RALGAPA1: variants seen among roughly 807,000 people sequenced by gnomAD.
The protein encoded by RALGAPA1 is Ral GTPase activating protein catalytic subunit alpha 1.
A neutral mutation model predicts 269.6 loss-of-function variants in RALGAPA1; 52 were observed. The observed-to-expected ratio is 0.19, with a 90% CI of 0.15 to 0.24. RALGAPA1 has a LOEUF of 0.24. Among genes scored for constraint, RALGAPA1 ranks in the 10% least tolerant of loss-of-function variants. The probability of loss-of-function intolerance (pLI) is 1.00; values close to 1 mark genes in which losing one functional copy is unlikely to be tolerated. For synonymous variants in RALGAPA1, 817 were observed against 1,008.3 expected (o/e 0.81, Z 3.60); for missense variants, 1,917 against 3,013.9 (o/e 0.64, Z 8.52).
At position 35,689,920 on chromosome 14, in the gene RALGAPA1, C is replaced by A. The variant is rs2140454775; in HGVS notation, c.2491G>T (p.Gly831Cys). ...AATGGCTGCTCCTCATTCAAAGCAC[C>A]AAAAACTTCATTTCCAGTTTCTTCA... ...QSEETGNEVF[G>C]ALNEEQPLPR... The change falls in exon 18 of 42, where the codon GGT becomes TGT. Residue 831 changes from glycine (G) to cysteine (C), a missense_variant. Gly to Cys is a radical substitution (Grantham distance 159, BLOSUM62 -3). This residue lies in a region of RALGAPA1 where 125 missense variants were observed against 155.7 expected (regional missense o/e 0.80). Coordinates refer to ENST00000680220, the MANE Select transcript of RALGAPA1 (RefSeq NM_001346249.2). 8 of 1,600,796 alleles carry A rather than the reference C, an allele frequency of 5.0e-6. No individual in the cohort carries two copies. Among genetic ancestry groups the A allele is most frequent in the Non-Finnish European group, 6.8e-6 (8 of 1,175,650 alleles).
At chr14:35,758,562 TA>T (rs1479942233) in intron 6 of RALGAPA1, among the ~76,000 whole-genome samples, 2 of 152,108 alleles carry the variant, frequency 1.3e-5, no homozygotes, top group Non-Finnish European at 2.9e-5. Context: ...TAATTATTTT[TA>T]AAGTCATCCA....
chr14:35,635,215 A>C (rs903487411), intron 32 of RALGAPA1, among the ~76,000 whole-genome samples: 3 of 152,116 alleles, frequency 2.0e-5, no homozygotes, highest in African/African-American at 7.2e-5. Flanking sequence ...AATACCTCTT[A>C]CAAAGAATGA....
At position 35,674,296 on chromosome 14, in the gene RALGAPA1, A is replaced by G; in HGVS notation, c.4819-18T>C. 6.3e-7 allele frequency: 1 copy of G among 1,580,842 alleles called. No homozygotes were observed. The highest frequency in any genetic ancestry group is 8.6e-7 in the Non-Finnish European group (1 of 1,156,878). ...TCTCTAATCTGTAATTTTCAAATAAAAAGCAACAAACCTAAGAAAACTGTT... is the reference window on the plus strand; with the variant it reads ...TCTCTAATCTGTAATTTTCAAATAAGAAGCAACAAACCTAAGAAAACTGTT... On this transcript the variant is annotated intron_variant, in intron 23 of 41. Transcript: ENST00000680220.
intron 12 of RALGAPA1, among the ~76,000 whole-genome samples, chr14:35,731,259 T>G (rs1358116884): frequency 6.6e-6 from 1 of 152,126 alleles, no homozygotes; most frequent in Non-Finnish European, 1.5e-5. Context: ...AGACCTTCCC[T>G]CTGACAGAGC....
intron 35 of RALGAPA1, among the ~76,000 whole-genome samples, chr14:35,619,428 G>A (rs61349962): frequency 0.018 from 2,712 of 151,918 alleles, 82 homozygotes; most frequent in African/African-American, 0.061. Flanking sequence ...CTAACATCAC[G>A]ATTAAAAGAA....
At chr14:35,629,650 G>A (rs1050754846) in intron 33 of RALGAPA1, among the ~76,000 whole-genome samples, 8 of 152,022 alleles carry the variant, frequency 5.3e-5, no homozygotes, top group Admixed American at 2.0e-4. Context: ...GACTACAGGC[G>A]CGCACCGCCA....
chr14:35,592,064 A>G (rs2058673987), intron 37 of RALGAPA1, among the ~76,000 whole-genome samples: 1 of 152,206 alleles, frequency 6.6e-6, no homozygotes, highest in African/African-American at 2.4e-5. Flanking sequence ...TTTTGTTTAT[A>G]AATCACCCAG....
At chr14:35,688,070 G>A (rs1179943789) in intron 18 of RALGAPA1, among the ~76,000 whole-genome samples, 1 of 152,220 alleles carries the variant, frequency 6.6e-6, no homozygotes, top group Admixed American at 6.5e-5. Flanking sequence ...GATATATCTG[G>A]TGCCCTTTTA....
At chr14:35,683,140 T>C (rs961243929) in intron 21 of RALGAPA1, among the ~76,000 whole-genome samples, 1 of 152,184 alleles carries the variant, frequency 6.6e-6, no homozygotes, top group Non-Finnish European at 1.5e-5. Flanking sequence ...GGTTGGATTA[T>C]AGAGTGGAAC....
Position 35,589,985 on chromosome 14 carries a change from T to C in RALGAPA1, c.7209+5649A>G, listed in dbSNP as rs536558990. On this transcript the variant is annotated intron_variant, in intron 37 of 41. Transcript: ENST00000680220. ...CTGGGATTACAAGTGTGAGCCACTG[T>C]GCCTGGCTTATTTATCTTTTTACAC... Among the ~76,000 whole-genome samples the C allele has an allele frequency of 2.0e-5, 3 of 152,310 alleles. No individual in the cohort carries two copies. In the East Asian group the frequency reaches 5.8e-4, roughly 29 times the overall value.
intron 39 of RALGAPA1, among the ~76,000 whole-genome samples, chr14:35,554,086 A>C (rs1439796029): frequency 6.6e-6 from 1 of 152,188 alleles, no homozygotes; most frequent in African/African-American, 2.4e-5. Context: ...GATTTAAAAA[A>C]AATTTTTGGT....
chr14:35,654,242 T>C (rs2063030019), intron 30 of RALGAPA1, 125 bp downstream of exon 30: 2 of 957,564 alleles, frequency 2.1e-6, no homozygotes, highest in Admixed American at 3.6e-5. Context: ...CAAAAAAGCA[T>C]GATGGGTAGC....
chr14:35,628,467 C>A (rs1170531339), intron 33 of RALGAPA1, among the ~76,000 whole-genome samples: 1 of 152,108 alleles, frequency 6.6e-6, no homozygotes, highest in Non-Finnish European at 1.5e-5. Flanking sequence ...TCTCCCACAA[C>A]AACAAAACAA....
intron 39 of RALGAPA1, among the ~76,000 whole-genome samples, chr14:35,554,372 A>G (rs1594547415): frequency 2.1e-5 from 2 of 97,320 alleles, no homozygotes; most frequent in African/African-American, 8.3e-5. Flanking sequence ...TTTGAGACGG[A>G]GTCTCACTCT....
intron 35 of RALGAPA1, among the ~76,000 whole-genome samples, chr14:35,612,640 G>A (rs536405173): frequency 1.3e-5 from 2 of 150,860 alleles, no homozygotes; most frequent in East Asian, 4.0e-4. Context: ...CCAGGTTCAT[G>A]CCACTCTCCT....
intron 5 of RALGAPA1, 104 bp downstream of exon 5, chr14:35,762,606 T>C (rs2073819854): frequency 2.6e-6 from 2 of 769,082 alleles, no homozygotes; most frequent in African/African-American, 1.7e-5. Flanking sequence ...CTGAAGACAA[T>C]TCAGAGATCT....
intron 37 of RALGAPA1, among the ~76,000 whole-genome samples, chr14:35,583,591 C>T (rs2058088092): frequency 6.6e-6 from 1 of 152,102 alleles, no homozygotes; most frequent in African/African-American, 2.4e-5. Flanking sequence ...GTCATAAACC[C>T]AGATCCAGGA....
At chr14:35,581,261 T>C (rs1397306242) in intron 37 of RALGAPA1, among the ~76,000 whole-genome samples, 4 of 152,084 alleles carry the variant, frequency 2.6e-5, no homozygotes, top group Non-Finnish European at 5.9e-5. Flanking sequence ...ACTAGAACTC[T>C]GAGGAAAAGA....
At position 35,792,762 on chromosome 14, in the gene RALGAPA1, A is replaced by G. The variant is rs1275555222; in HGVS notation, c.106+15968T>C. Among the ~76,000 whole-genome samples, 4 of 142,096 alleles carry G rather than the reference A, an allele frequency of 2.8e-5. No individual in the cohort carries two copies. The Admixed American group carries it at 2.9e-4, about 10-fold the overall frequency. 93.2% of individuals were successfully genotyped at this position (142,096 alleles called of 152,430 possible). Reference sequence around the variant, plus strand: ...CACTGCACTCCAGCCTGGGCGACAGAGTGAGACCCTGTCTCAAAAAAAAAA... The same window carrying G: ...CACTGCACTCCAGCCTGGGCGACAGGGTGAGACCCTGTCTCAAAAAAAAAA... On this transcript the variant is annotated intron_variant, in intron 1 of 41. Transcript: ENST00000680220.
Sources: gnomAD v4.1 joint callset for allele counts (sites outside exome capture counted in the v4.1 genomes callset) on GRCh38, gnomAD v4.1.1 for gene constraint, gnomAD v4.1.1 regional missense constraint, MANE v1.5 for transcripts, NCBI Gene and HGNC (gene_info 2026-07-23, HGNC 2026-07-21) for gene names.